Variants in GLIS1 observed in about 807,000 individuals in gnomAD.
GLIS1 encodes GLIS family zinc finger 1.
A neutral mutation model predicts 63.8 loss-of-function variants in GLIS1; 24 were observed. The observed-to-expected ratio is 0.38, with a 90% CI of 0.27 to 0.53. The LOEUF (loss-of-function observed/expected upper bound fraction) is 0.53. GLIS1 is among the 20% of genes least tolerant of loss of function. The probability of loss-of-function intolerance (pLI) is 0.85; values close to 1 mark genes in which losing one functional copy is unlikely to be tolerated. For synonymous variants in GLIS1, 450 were observed against 482.5 expected, an observed-to-expected ratio of 0.93 and a Z score of 0.88; for missense variants, 1,036 against 1,074.1, an observed-to-expected ratio of 0.96 and a Z score of 0.50.
chr1:53,716,478 C>A (rs1473245114), intron 2 of GLIS1, among the ~76,000 whole-genome samples: 1 of 151,856 alleles, frequency 6.6e-6, no homozygotes, highest in Admixed American at 6.6e-5. Context: ...AAAGGAGTAA[C>A]AACAATCAAC....
At chr1:53,571,031 G>C (rs1644979007) in intron 4 of GLIS1, among the ~76,000 whole-genome samples, 1 of 152,076 alleles carries the variant, frequency 6.6e-6, no homozygotes, top group South Asian at 2.1e-4. Context: ...GTCACAAACT[G>C]ACAGAAAATA....
intron 2 of GLIS1, among the ~76,000 whole-genome samples, chr1:53,723,988 C>G (rs1433161897): frequency 3.3e-5 from 5 of 152,202 alleles, no homozygotes; most frequent in Non-Finnish European, 7.3e-5. Context: ...AGCCACCCAC[C>G]AGGTCTGGCC....
intron 2 of GLIS1, among the ~76,000 whole-genome samples, chr1:53,655,762 G>A (rs139914157): frequency 4.0e-4 from 61 of 152,302 alleles, no homozygotes; most frequent in African/African-American, 1.4e-3. Context: ...ACAGCAGGCA[G>A]GCAATAACCT....
At chr1:53,546,866 C>G (rs1312806356) in intron 4 of GLIS1, among the ~76,000 whole-genome samples, 3 of 152,234 alleles carry the variant, frequency 2.0e-5, no homozygotes, top group Non-Finnish European at 4.4e-5. Flanking sequence ...CCTGGGGTCC[C>G]CCACCATGCC....
chr1:53,658,943 C>A (rs1171736298), intron 2 of GLIS1, among the ~76,000 whole-genome samples: 1 of 152,066 alleles, frequency 6.6e-6, no homozygotes, highest in Non-Finnish European at 1.5e-5. Flanking sequence ...CTGAGGGGCC[C>A]AAAGAATGCA....
chr1:53,583,239 C>T lies in GLIS1; in HGVS notation c.1320+10869G>A, dbSNP rs530063787. Among the ~76,000 whole-genome samples the T allele has an allele frequency of 9.6e-4, 146 of 152,320 alleles. 1 individual carries two copies. Among genetic ancestry groups the T allele is most frequent in the Non-Finnish European group, 1.2e-3 (84 of 68,030 alleles). ...CACTGTGAAACAGCAATCCAGCCAC[C>T]GCCCTGTGCCTTCCCTGAGCACAGG... On this transcript the variant is annotated intron_variant, in intron 4 of 10. Transcript: ENST00000628545.
intron 2 of GLIS1, among the ~76,000 whole-genome samples, chr1:53,647,851 TACACGA>T (rs2100315108): frequency 6.6e-6 from 1 of 152,224 alleles, no homozygotes; most frequent in African/African-American, 2.4e-5. Flanking sequence ...GAAGATCTTC[TACACGA>T]AAAAAGGCAA....
chr1:53,571,359 A>G (rs776061722), intron 4 of GLIS1, among the ~76,000 whole-genome samples: 1 of 152,216 alleles, frequency 6.6e-6, no homozygotes, highest in Non-Finnish European at 1.5e-5. Flanking sequence ...TAAGCCAGCA[A>G]TTTCATTTCT....
chr1:53,720,490 C>A (rs993106845), intron 2 of GLIS1, among the ~76,000 whole-genome samples: 1 of 151,698 alleles, frequency 6.6e-6, no homozygotes. Context: ...TTACTAGAGG[C>A]TAGAAAGGGT....
intron 2 of GLIS1, chr1:53,733,868 G>A (rs191242711): frequency 1.0e-6 from 1 of 955,374 alleles, no homozygotes; most frequent in East Asian, 1.2e-4. Flanking sequence ...GCCCACCGGA[G>A]CCGGAGGGGA....
At chr1:53,709,421 C>G (rs1166382611) in intron 2 of GLIS1, among the ~76,000 whole-genome samples, 1 of 42,380 alleles carries the variant, frequency 2.4e-5, no homozygotes, top group Admixed American at 3.5e-4. Context: ...TACACACACA[C>G]ACACACACAC....
intron 2 of GLIS1, among the ~76,000 whole-genome samples, chr1:53,670,364 C>T (rs988106050): frequency 6.6e-6 from 1 of 152,196 alleles, no homozygotes. Context: ...TGATGCCCCG[C>T]TTTTCTAAGC....
At chr1:53,654,563 G>C (rs1645943609) in intron 2 of GLIS1, among the ~76,000 whole-genome samples, 1 of 152,240 alleles carries the variant, frequency 6.6e-6, no homozygotes, top group Non-Finnish European at 1.5e-5. Flanking sequence ...GGATGAGATT[G>C]AGAGAAAGAA....
intron 4 of GLIS1, among the ~76,000 whole-genome samples, chr1:53,538,811 T>C (rs536881634): frequency 6.6e-6 from 1 of 152,300 alleles, no homozygotes; most frequent in Admixed American, 6.5e-5. Flanking sequence ...GGCTCTTCTC[T>C]GGCAAAAGTT....
chr1:53,723,130 C>T (rs1055875373), intron 2 of GLIS1, among the ~76,000 whole-genome samples: 1 of 149,968 alleles, frequency 6.7e-6, no homozygotes, highest in Non-Finnish European at 1.5e-5. Flanking sequence ...GAGACTCTGT[C>T]TCAAAAAAAA....
chr1:53,546,048 G>T (rs568876619), intron 4 of GLIS1, among the ~76,000 whole-genome samples: 2 of 152,386 alleles, frequency 1.3e-5, no homozygotes, highest in South Asian at 4.1e-4. Flanking sequence ...AAGGGCAGGG[G>T]ATACAGCTCA....
rs535249959 is a variant in GLIS1, at chr1:53,710,670, C to A, written c.259+27136G>T. 1.5e-4 allele frequency among the ~76,000 whole-genome samples: 23 copies of A among 151,918 alleles called. 1 individual carries two copies. The South Asian group carries it at 4.2e-3, about 28-fold the overall frequency. On this transcript the variant is annotated intron_variant, in intron 2 of 10. Transcript: ENST00000628545. Reference sequence around the variant, plus strand: ...CCCTCTGCCTGCTGGGGCTGGAGAACCCCTGGGATGCACTCTCCGAGCTCC... The same window carrying A: ...CCCTCTGCCTGCTGGGGCTGGAGAAACCCTGGGATGCACTCTCCGAGCTCC...
Position 53,594,404 on chromosome 1 carries a change from G to A in GLIS1, c.1024C>T (p.Pro342Ser), listed in dbSNP as rs750049615. Residue 342 changes from proline (P) to serine (S), a missense_variant, in exon 4 of 11, where the codon CCC becomes TCC. Coordinates refer to ENST00000628545, the MANE Select transcript of GLIS1 (RefSeq NM_001367484.1). ...GGCGGCAACTGAGACAGGGGATAGG[G>A]GGGCGGCAGGCCCTGCTGGTGAGGC... ...FGPHQQGLPPPYPLSQLPPGP... is the reference protein window; with the variant it reads ...FGPHQQGLPPSYPLSQLPPGP... 6.2e-7 allele frequency: 1 copy of A among 1,612,304 alleles called. No homozygotes were observed. The highest frequency in any genetic ancestry group is 8.5e-7 in the Non-Finnish European group (1 of 1,179,562).
chr1:53,737,731 G>A, intron 2 of GLIS1, 75 bp downstream of exon 2: 3 of 1,217,302 alleles, frequency 2.5e-6, no homozygotes, highest in Non-Finnish European at 3.1e-6. Flanking sequence ...AAGCTCTCCC[G>A]AGCACGCGGT....
Sources: gnomAD v4.1 joint callset for allele counts (sites outside exome capture counted in the v4.1 genomes callset) on GRCh38, gnomAD v4.1.1 for gene constraint, MANE v1.5 for transcripts, NCBI Gene and HGNC (gene_info 2026-07-23, HGNC 2026-07-21) for gene names.